NUP153: variants seen among roughly 807,000 people sequenced by gnomAD.
The protein encoded by NUP153 is nucleoporin 153.
A neutral mutation model predicts 134.6 loss-of-function variants in NUP153; 27 were observed. That is an observed-to-expected ratio of 0.20 (90% CI 0.15 to 0.28). The LOEUF (loss-of-function observed/expected upper bound fraction) is 0.28. Ranked by LOEUF, NUP153 falls within the 10% of genes least tolerant of loss-of-function variation. NUP153 has a pLI of 1.00. For synonymous variants in NUP153, 640 were observed against 623.5 expected (o/e 1.03, Z -0.40); for missense variants, 1,821 against 1,731.3 (o/e 1.05, Z -0.92).
chr6:17,686,053 TG>T (rs1173134926), intron 2 of NUP153, among the ~76,000 whole-genome samples: 1 of 151,640 alleles, frequency 6.6e-6, no homozygotes, highest in African/African-American at 2.4e-5. Context: ...GAGGCTGAGG[TG>T]GGAGGATCGC....
rs1764298291 is a variant in NUP153 at position 17,616,061 on chromosome 6, CTGT to C, written c.*33_*35del. 1.2e-5 allele frequency: 17 copies of C among 1,405,208 alleles called. No homozygotes were observed. The highest frequency in any genetic ancestry group is 1.6e-5 in the Non-Finnish European group (16 of 989,820). The allele number at this position is 1,405,208 out of a possible 1,614,324, so 87.0% of individuals were successfully genotyped here. On this transcript the variant is annotated 3_prime_UTR_variant, in exon 22 of 22. Coordinates refer to ENST00000262077, the MANE Select transcript of NUP153 (RefSeq NM_005124.4). ...CCAGTATCTGAAAGCAGGGCACCAG[CTGT>C]TGTTAAAATTGAGTACAACACCAAT...
intron 17 of NUP153, among the ~76,000 whole-genome samples, chr6:17,631,242 G>A (rs2113775719): frequency 6.6e-6 from 1 of 151,462 alleles, no homozygotes; most frequent in South Asian, 2.1e-4. Context: ...CAATCATATA[G>A]ACATATACGC....
intron 12 of NUP153, among the ~76,000 whole-genome samples, chr6:17,648,391 C>A (rs868800580): frequency 1.3e-5 from 2 of 152,042 alleles, no homozygotes; most frequent in Admixed American, 6.6e-5. Context: ...CCAAGGCAGG[C>A]GGATCACCTG....
intron 9 of NUP153, among the ~76,000 whole-genome samples, chr6:17,664,188 GTGGCTACTGACGGGTA>G (rs1333953841): frequency 5.9e-5 from 9 of 152,154 alleles, no homozygotes; most frequent in Admixed American, 6.5e-5. Context: ...ACTATGCTAA[GTGGCTACTGACGGGTA>G]TGGGTATGAG....
chr6:17,626,867 A>C (rs755338205), intron 18 of NUP153, among the ~76,000 whole-genome samples: 2 of 152,198 alleles, frequency 1.3e-5, no homozygotes, highest in Non-Finnish European at 2.9e-5. Context: ...GGGAGGAGGA[A>C]GGGAATACCT....
intron 1 of NUP153, among the ~76,000 whole-genome samples, chr6:17,696,997 G>A (rs1165812593): frequency 6.6e-6 from 1 of 151,768 alleles, no homozygotes; most frequent in African/African-American, 2.4e-5. Context: ...CTTGAACCTG[G>A]GAGACGGAGG....
chr6:17,661,774 A>G lies in NUP153; in HGVS notation c.1274T>C (p.Phe425Ser). Residue 425 changes from phenylalanine (F) to serine (S), a missense_variant, in exon 11 of 22, where the codon TTT becomes TCT. Coordinates refer to ENST00000262077, the MANE Select transcript of NUP153 (RefSeq NM_005124.4). ...AGGCAAACTGAAATTTGGATATGAA[A>G]AGCCACTGGCAAATAAAAAGAAAAT... ...GQNREQRESG[F>S]SYPNFSLPAA... 6.2e-7 allele frequency: 1 copy of G among 1,612,354 alleles called. No homozygotes were observed. Among genetic ancestry groups the G allele is most frequent in the Non-Finnish European group, 8.5e-7 (1 of 1,179,526 alleles).
chr6:17,673,857 T>G (rs1768058228), intron 5 of NUP153, among the ~76,000 whole-genome samples: 1 of 152,234 alleles, frequency 6.6e-6, no homozygotes, highest in South Asian at 2.1e-4. Flanking sequence ...CTCCTAGGTA[T>G]TTGTATTTAC....
rs369669444 is a variant in NUP153 at position 17,619,251 on chromosome 6, T to C, written c.4175-2556A>G. 1.5e-4 allele frequency among the ~76,000 whole-genome samples: 23 copies of C among 152,280 alleles called. No homozygotes were observed. The South Asian group carries it at 4.6e-3, about 30-fold the overall frequency. The stretch of plus-strand genomic sequence containing the variant: ...AATCTACATCTATATTCAATCAAAA[T>C]CTTACCAAACATGGGGAGAGAATAA... On this transcript the variant is annotated intron_variant, in intron 20 of 21. Coordinates refer to ENST00000262077, the MANE Select transcript of NUP153 (RefSeq NM_005124.4).
At position 17,628,600 on chromosome 6, in the gene NUP153, CGACAACTTGTAAAAA is replaced by C; in HGVS notation, c.3544+40_3544+54del. On this transcript the variant is annotated intron_variant, in intron 18 of 21. Coordinates refer to ENST00000262077, the MANE Select transcript of NUP153 (RefSeq NM_005124.4). The surrounding 1 kb of genome is among the most constrained non-coding windows in gnomAD (Gnocchi z 5.4). ...GCATCTGTCAAGGCAACTTGTAAAA[CGACAACTTGTAAAAA>C]AAAAAATAATAATAATAATAATAAA... The C allele has an allele frequency of 1.0e-6, 1 of 974,676 alleles. No individual in the cohort carries two copies. Among genetic ancestry groups the C allele is most frequent in the Non-Finnish European group, 1.3e-6 (1 of 791,720 alleles). 60.4% of individuals were successfully genotyped at this position (974,676 alleles called of 1,614,324 possible). A position where few individuals can be genotyped will look rare whatever the true frequency, so the allele number is the denominator to read the frequency against.
At chr6:17,655,551 T>G (rs768995066) in intron 11 of NUP153, among the ~76,000 whole-genome samples, 57 of 151,764 alleles carry the variant, frequency 3.8e-4, no homozygotes, top group Non-Finnish European at 7.2e-4. Context: ...CCTCCCAGGT[T>G]CAAGCGATTC....
chr6:17,694,393 T>C (rs1769492754), intron 1 of NUP153, among the ~76,000 whole-genome samples: 1 of 152,162 alleles, frequency 6.6e-6, no homozygotes, highest in Non-Finnish European at 1.5e-5. Flanking sequence ...GCCCGGTGGC[T>C]CACGCCTGTA....
chr6:17,679,738 C>T (rs901990580), intron 2 of NUP153, among the ~76,000 whole-genome samples: 18 of 152,294 alleles, frequency 1.2e-4, no homozygotes, highest in Non-Finnish European at 1.6e-4. Context: ...AAGACTACCT[C>T]GCTGATGTTA....
intron 18 of NUP153, 87 bp from the exon 19 acceptor site, chr6:17,626,251 T>G (rs1764943110): frequency 4.1e-6 from 4 of 967,990 alleles, no homozygotes; most frequent in African/African-American, 3.3e-5. Context: ...TGCTAGAATT[T>G]TCCTACCCTA....
intron 11 of NUP153, among the ~76,000 whole-genome samples, chr6:17,651,628 G>A (rs1024216391): frequency 6.6e-6 from 1 of 152,024 alleles, no homozygotes; most frequent in Non-Finnish European, 1.5e-5. Flanking sequence ...AGCATAAGAA[G>A]GCTTATTCCA....
rs1287369398 is a variant in NUP153 at position 17,649,177 on chromosome 6, C to A, written c.1519G>T (p.Ala507Ser). ...TGGTTTTGTACCTTGTTTGTTAATG[C>A]TTGAGACGAATTGATGGGTGATGGA... ...SSPSPINSSQ[A>S]LTNKVQMTSP... The change falls in exon 12 of 22, where the codon GCA becomes TCA. Residue 507 changes from alanine to serine, a missense_variant. Physicochemically the swap from Ala to Ser is moderately conservative, Grantham distance 99. Transcript: ENST00000262077. 6.2e-7 allele frequency: 1 copy of A among 1,612,782 alleles called. No individual in the cohort carries two copies. The highest frequency in any genetic ancestry group is 1.1e-5 in the South Asian group (1 of 90,912).
intron 7 of NUP153, 42 bp downstream of exon 7, chr6:17,669,251 G>A: frequency 6.5e-7 from 1 of 1,549,464 alleles, no homozygotes; most frequent in Non-Finnish European, 8.9e-7. Context: ...GCTAATTTTT[G>A]TATGAACAAT....
At chr6:17,699,965 CTTA>C (rs1440497115) in intron 1 of NUP153, among the ~76,000 whole-genome samples, 5 of 152,146 alleles carry the variant, frequency 3.3e-5, no homozygotes, top group African/African-American at 1.2e-4. Context: ...TTTTTTGTCA[CTTA>C]TTAGAAAAAT....
chr6:17,664,780 C>T (rs1221126453), intron 9 of NUP153, among the ~76,000 whole-genome samples: 1 of 152,038 alleles, frequency 6.6e-6, no homozygotes, highest in African/African-American at 2.4e-5. Context: ...TGGCCAGGCG[C>T]GGTGGCTCAC....
Sources: gnomAD v4.1 joint callset for allele counts (sites outside exome capture counted in the v4.1 genomes callset) on GRCh38, gnomAD v4.1.1 for gene constraint, Gnocchi (gnomAD v3.1) non-coding constraint, MANE v1.5 for transcripts, NCBI Gene and HGNC (gene_info 2026-07-23, HGNC 2026-07-21) for gene names.